The following NCOA2 variants were observed in gnomAD, a reference collection of about 807,000 sequenced individuals.
NCOA2 encodes nuclear receptor coactivator 2.
NCOA2 carries 21 observed loss-of-function variants against 145.1 expected under a neutral mutation model. That is an observed-to-expected ratio of 0.14 (90% confidence interval 0.10 to 0.21). NCOA2 has a LOEUF of 0.21. Ranked by LOEUF, NCOA2 falls within the 10% of genes least tolerant of loss-of-function variation. The pLI is 1.00. For missense variants in NCOA2, 1,472 were observed against 1,837.6 expected (o/e 0.80, Z 3.64); for synonymous variants, 619 against 637.5 (o/e 0.97, Z 0.44).
At chr8:70,170,507 C>A (rs541063888) in intron 5 of NCOA2, 128 bp from the exon 6 acceptor site, 31 of 770,964 alleles carry the variant, frequency 4.0e-5, no homozygotes, top group Non-Finnish European at 4.8e-5. Flanking sequence ...TCTTTCTCAG[C>A]CCTCTCCCAG....
At chr8:70,362,977 C>T (rs894091738) in intron 1 of NCOA2, among the ~76,000 whole-genome samples, 1 of 149,564 alleles carries the variant, frequency 6.7e-6, no homozygotes, top group Non-Finnish European at 1.5e-5. Context: ...ACTTGAGAGG[C>T]TGAGGTGGGA....
At chr8:70,245,644 T>C (rs994381679) in intron 2 of NCOA2, among the ~76,000 whole-genome samples, 1 of 152,000 alleles carries the variant, frequency 6.6e-6, no homozygotes, top group Admixed American at 6.6e-5. Flanking sequence ...TAAAATTATT[T>C]AGTCTTGGAA....
At chr8:70,281,309 T>C (rs571989841) in intron 2 of NCOA2, among the ~76,000 whole-genome samples, 5 of 126,228 alleles carry the variant, frequency 4.0e-5, no homozygotes, top group Non-Finnish European at 6.2e-5. Flanking sequence ...TGAGCCAAGA[T>C]AGTGCCACTG....
chr8:70,134,154 A>AGCCC (rs1809474973), intron 15 of NCOA2, among the ~76,000 whole-genome samples: 1 of 152,160 alleles, frequency 6.6e-6, no homozygotes, highest in Non-Finnish European at 1.5e-5. Context: ...ACTCTCCTAG[A>AGCCC]ACTTTCTTTA....
intron 1 of NCOA2, among the ~76,000 whole-genome samples, chr8:70,318,278 A>G (rs1468870249): frequency 6.6e-6 from 1 of 152,230 alleles, no homozygotes; most frequent in African/African-American, 2.4e-5. Context: ...TTTCCAAAAT[A>G]CGCCTTTCTG....
intron 4 of NCOA2, among the ~76,000 whole-genome samples, chr8:70,194,119 T>C (rs1384651907): frequency 2.0e-5 from 3 of 152,228 alleles, no homozygotes; most frequent in East Asian, 1.9e-4. Flanking sequence ...TATGTGACTA[T>C]GTTGAATTGG....
At chr8:70,360,215 T>C (rs116583029) in intron 1 of NCOA2, among the ~76,000 whole-genome samples, 1,780 of 152,340 alleles carry the variant, frequency 0.012, 43 homozygotes, top group African/African-American at 0.041. Context: ...AACATAAAAC[T>C]GTAGCATACA....
upstream of NCOA2, among the ~76,000 whole-genome samples, chr8:70,408,612 A>G (rs916967012): frequency 1.3e-5 from 2 of 152,094 alleles, no homozygotes; most frequent in Admixed American, 6.5e-5. Context: ...CAGCGTGGGC[A>G]ACATAGCAAT....
Position 70,235,001 on chromosome 8 carries a change from G to A in NCOA2, c.-19-18237C>T, listed in dbSNP as rs1013533216. On this transcript the variant is annotated intron_variant, in intron 2 of 22. Coordinates refer to ENST00000452400, the MANE Select transcript of NCOA2 (RefSeq NM_006540.4). ...CCCAAAAGATGTGAACTTTATGTGCGACTCAGACATATGTACATCCATGCT... is the reference window on the plus strand; with the variant it reads ...CCCAAAAGATGTGAACTTTATGTGCAACTCAGACATATGTACATCCATGCT... 3.3e-5 allele frequency among the ~76,000 whole-genome samples: 5 copies of A among 152,092 alleles called. No homozygotes were observed. In the South Asian group the frequency reaches 8.3e-4, roughly 25 times the overall value.
At chr8:70,189,094 T>A (rs1816387934) in intron 4 of NCOA2, among the ~76,000 whole-genome samples, 1 of 152,194 alleles carries the variant, frequency 6.6e-6, no homozygotes. Context: ...GTCTTATGGA[T>A]GGGAAATGCC....
chr8:70,318,189 TG>T (rs1441294625), intron 1 of NCOA2, among the ~76,000 whole-genome samples: 1 of 152,202 alleles, frequency 6.6e-6, no homozygotes. Context: ...CAGCCCTATT[TG>T]TTAATGTGCC....
chr8:70,174,783 CT>C lies in NCOA2; in HGVS notation c.335del (p.Lys112ArgfsTer7). 6.2e-7 allele frequency: 1 copy of C among 1,613,720 alleles called. No individual in the cohort carries two copies. The highest frequency in any genetic ancestry group is 8.5e-7 in the Non-Finnish European group (1 of 1,179,672). On this transcript the variant is annotated frameshift_variant, in exon 5 of 23. Transcript: ENST00000452400. LOFTEE classifies it high-confidence loss of function. The part of the protein sequence containing the change: ...VSSTGQGVID[K>X]DALGPMMLEA... ...CAAGCATCATAGGCCCCAGCGCATC[CT>C]TGTCGATGACACCCTGCCCTGTAGA...
intron 6 of NCOA2, among the ~76,000 whole-genome samples, chr8:70,169,890 AATCATCATCATCATCATCATC>A (rs56144437): frequency 6.7e-6 from 1 of 150,070 alleles, no homozygotes; most frequent in South Asian, 2.1e-4. Context: ...TGCCAAGCAA[AATCATCATCATCATCATCATC>A]ATCATCATCA....
chr8:70,439,986 C>T, the NCOA2 span, among the ~76,000 whole-genome samples: 1 of 152,132 alleles, frequency 6.6e-6, no homozygotes, highest in African/African-American at 2.4e-5. Flanking sequence ...CTCTGGGACC[C>T]GAAAAGGCCA....
At chr8:70,127,477 A>C (rs1445500900) in intron 18 of NCOA2, among the ~76,000 whole-genome samples, 2 of 152,196 alleles carry the variant, frequency 1.3e-5, no homozygotes, top group Non-Finnish European at 2.9e-5. Context: ...ACTTCACAAA[A>C]GGCTGAGCAG....
chr8:70,444,281 C>T, the NCOA2 span, among the ~76,000 whole-genome samples: 2 of 152,144 alleles, frequency 1.3e-5, no homozygotes, highest in African/African-American at 4.8e-5. Flanking sequence ...TATATAACAT[C>T]CTTGAAATGA....
chr8:70,299,095 A>C (rs1827303948), intron 1 of NCOA2, among the ~76,000 whole-genome samples: 1 of 152,272 alleles, frequency 6.6e-6, no homozygotes, highest in African/African-American at 2.4e-5. Flanking sequence ...AAAAAACCAG[A>C]AAGATGTTTA....
the NCOA2 span, among the ~76,000 whole-genome samples, chr8:70,452,599 T>A: frequency 6.6e-6 from 1 of 152,156 alleles, no homozygotes; most frequent in African/African-American, 2.4e-5. Context: ...CCTTTAGGGA[T>A]GATGAAAATG....
At chr8:70,302,059 T>C (rs1483759752) in intron 1 of NCOA2, among the ~76,000 whole-genome samples, 1 of 152,152 alleles carries the variant, frequency 6.6e-6, no homozygotes, top group African/African-American at 2.4e-5. Context: ...AAAAAACACC[T>C]TTAAGTCACC....
Sources: allele counts gnomAD v4.1 joint callset (sites outside exome capture counted in the v4.1 genomes callset), GRCh38; gene constraint gnomAD v4.1.1; transcripts MANE v1.5; gene names NCBI Gene and HGNC (gene_info 2026-07-23, HGNC 2026-07-21).